BNC2: variants seen among roughly 807,000 people sequenced by gnomAD.
BNC2 encodes the protein zinc finger protein basonuclin-2.
BNC2 carries 20 observed loss-of-function variants against 76.3 expected under a neutral mutation model. The ratio of observed to expected loss-of-function variants is 0.26; its 90% CI spans 0.18 to 0.38. The LOEUF is 0.38. BNC2 is among the 10% of genes least tolerant of loss of function. BNC2 has a pLI of 1.00. For missense variants in BNC2, 1,382 were observed against 1,399.8 expected, an observed-to-expected ratio of 0.99 and a Z score of 0.20; for synonymous variants, 582 against 514.8, an observed-to-expected ratio of 1.13 and a Z score of -1.77.
intron 1 of BNC2, among the ~76,000 whole-genome samples, chr9:16,743,603 G>A (rs1478368702): frequency 6.6e-6 from 1 of 152,146 alleles, no homozygotes; most frequent in Admixed American, 6.5e-5. Context: ...CAGCCCCAAA[G>A]CACCCGCAGG....
intron 5 of BNC2, among the ~76,000 whole-genome samples, chr9:16,550,205 C>A (rs1365037199): frequency 2.6e-5 from 4 of 152,128 alleles, no homozygotes; most frequent in African/African-American, 4.8e-5. Context: ...CCCATGAAGG[C>A]TCTGAATGCG....
chr9:16,757,431 GCC>G (rs1470466529), intron 1 of BNC2, among the ~76,000 whole-genome samples: 1 of 152,138 alleles, frequency 6.6e-6, no homozygotes, highest in Non-Finnish European at 1.5e-5. Flanking sequence ...ACTCACTCAT[GCC>G]CTGGCGCTTG....
intron 5 of BNC2, among the ~76,000 whole-genome samples, chr9:16,524,425 G>A (rs978652557): frequency 1.3e-5 from 2 of 152,084 alleles, no homozygotes; most frequent in Non-Finnish European, 2.9e-5. Context: ...AAGCACTTCT[G>A]ACAAGTTCCC....
At chr9:16,586,099 T>C (rs1434633112) in intron 3 of BNC2, among the ~76,000 whole-genome samples, 1 of 151,992 alleles carries the variant, frequency 6.6e-6, no homozygotes, top group East Asian at 1.9e-4. Flanking sequence ...GTCTGCTCTT[T>C]TCTTTATACC....
intron 3 of BNC2, among the ~76,000 whole-genome samples, chr9:16,593,634 A>C (rs903378908): frequency 6.6e-6 from 1 of 152,152 alleles, no homozygotes; most frequent in Non-Finnish European, 1.5e-5. Flanking sequence ...AAGGCATTTC[A>C]ATTTAGGCAA....
intron 4 of BNC2, among the ~76,000 whole-genome samples, chr9:16,571,284 A>G (rs1286646166): frequency 6.6e-6 from 1 of 152,192 alleles, no homozygotes; most frequent in Non-Finnish European, 1.5e-5. Context: ...AGCTGAACTG[A>G]CAAATGCCTG....
chr9:16,451,767 T>G (rs1254223869), intron 5 of BNC2, among the ~76,000 whole-genome samples: 1 of 152,258 alleles, frequency 6.6e-6, no homozygotes, highest in Non-Finnish European at 1.5e-5. Context: ...AGTGATCTGC[T>G]TATATTTCAG....
intron 5 of BNC2, among the ~76,000 whole-genome samples, chr9:16,523,479 A>G (rs1007863543): frequency 7.6e-6 from 1 of 131,340 alleles, no homozygotes; most frequent in African/African-American, 3.7e-5. Flanking sequence ...TCAAAACAAA[A>G]AAAAAAAACA....
intron 5 of BNC2, among the ~76,000 whole-genome samples, chr9:16,487,349 C>T (rs34006539): frequency 0.34 from 51,676 of 151,880 alleles, 9,059 homozygotes; most frequent in East Asian, 0.45. Context: ...AATACAACTG[C>T]ACTTAAAAAA....
intron 1 of BNC2, among the ~76,000 whole-genome samples, chr9:16,821,247 G>GA (rs557542726): frequency 0.022 from 3,142 of 143,146 alleles, 110 homozygotes; most frequent in African/African-American, 0.073. Context: ...AAAAAAAAAA[G>GA]AAAAAAAAAG....
intron 3 of BNC2, among the ~76,000 whole-genome samples, chr9:16,605,356 T>A (rs973897907): frequency 1.3e-5 from 2 of 152,250 alleles, no homozygotes; most frequent in African/African-American, 2.4e-5. Context: ...ACTCAGCTTA[T>A]CCTGACTTTT....
intron 1 of BNC2, among the ~76,000 whole-genome samples, chr9:16,795,200 G>A (rs1817612124): frequency 6.6e-6 from 1 of 151,940 alleles, no homozygotes; most frequent in South Asian, 2.1e-4. Flanking sequence ...TTTTCAGGGA[G>A]TCCTTTAAAG....
In BNC2 at chr9:16,435,746, G is replaced by A; in HGVS notation, c.2448C>T (p.Ser816=). 6 of 1,613,966 alleles carry A rather than the reference G, an allele frequency of 3.7e-6. No homozygotes were observed. Among genetic ancestry groups the A allele is most frequent in the Non-Finnish European group, 5.1e-6 (6 of 1,180,022 alleles). ...CACCTTCTGGGGAGAACTTTTGAGG[G>A]CTGCCATAATTCAGAGACGATGTAA... ...ESFTSSLNYG[S]PQKFSPEGDL... is the part of the protein sequence containing the mutation. Residue 816 remains serine (S), a synonymous_variant, in exon 6 of 7, where the codon AGC becomes AGT. Coordinates refer to ENST00000380672, the MANE Select transcript of BNC2 (RefSeq NM_017637.6).
chr9:16,701,802 C>T (rs991145872), intron 3 of BNC2, among the ~76,000 whole-genome samples: 4 of 151,830 alleles, frequency 2.6e-5, no homozygotes, highest in Non-Finnish European at 5.9e-5. Flanking sequence ...ATTAGCCAGG[C>T]GTGGTGGCAG....
chr9:16,503,729 TTTTC>T (rs1300110289), intron 5 of BNC2, among the ~76,000 whole-genome samples: 3 of 152,176 alleles, frequency 2.0e-5, no homozygotes, highest in Non-Finnish European at 1.5e-5. Context: ...TTACTCAAGT[TTTTC>T]TTTGTCACCA....
chr9:16,435,316 G>A (rs1275881429), intron 6 of BNC2, among the ~76,000 whole-genome samples: 1 of 152,112 alleles, frequency 6.6e-6, no homozygotes, highest in African/African-American at 2.4e-5. Flanking sequence ...AGAGCACAGA[G>A]AAAAATGGCG....
chr9:16,426,927 C>G (rs1352122357), intron 6 of BNC2, among the ~76,000 whole-genome samples: 1 of 152,140 alleles, frequency 6.6e-6, no homozygotes, highest in Non-Finnish European at 1.5e-5. Context: ...CCTGGTGTAT[C>G]ACCATATAGC....
chr9:16,602,507 C>A (rs1820270577), intron 3 of BNC2, among the ~76,000 whole-genome samples: 1 of 152,164 alleles, frequency 6.6e-6, no homozygotes, highest in Non-Finnish European at 1.5e-5. Context: ...AAACAAAAAT[C>A]TAAATGTGGT....
chr9:16,690,448 C>G (rs1387390701), intron 3 of BNC2, among the ~76,000 whole-genome samples: 3 of 151,902 alleles, frequency 2.0e-5, no homozygotes, highest in African/African-American at 7.3e-5. Context: ...CAGAGTGAAA[C>G]CCTGTCTCAA....
Sources: allele counts gnomAD v4.1 joint callset (sites outside exome capture counted in the v4.1 genomes callset), GRCh38; gene constraint gnomAD v4.1.1; transcripts MANE v1.5; gene names NCBI Gene and HGNC (gene_info 2026-07-23, HGNC 2026-07-21).